PHC2: variants seen among roughly 807,000 people sequenced by gnomAD.
The protein encoded by PHC2 is polyhomeotic homolog 2.
In PHC2, 29 loss-of-function variants were observed where a neutral mutation model predicts 87.4. That is an observed-to-expected ratio of 0.33 (90% CI 0.25 to 0.45). PHC2 has a LOEUF of 0.45. Ranked by LOEUF, PHC2 falls within the 20% of genes least tolerant of loss-of-function variation. The pLI, the probability that PHC2 is intolerant of heterozygous loss-of-function variation, is 1.00. For missense variants in PHC2, 857 were observed against 1,136.7 expected (o/e 0.75, Z 3.54); for synonymous variants, 438 against 461.7 (o/e 0.95, Z 0.66).
chr1:33,391,767 A>T (rs2763037), intron 1 of PHC2, among the ~76,000 whole-genome samples: 24 of 152,208 alleles, frequency 1.6e-4, no homozygotes, highest in African/African-American at 5.5e-4. Flanking sequence ...GGGAAAGACA[A>T]GCCAGAGAGA....
chr1:33,408,012 T>C (rs1200127919), intron 1 of PHC2, among the ~76,000 whole-genome samples: 1 of 152,202 alleles, frequency 6.6e-6, no homozygotes, highest in Non-Finnish European at 1.5e-5. Context: ...GAATGGTGAG[T>C]TTACCTCGTG....
At chr1:33,401,107 A>G (rs1183065783) in intron 1 of PHC2, among the ~76,000 whole-genome samples, 3 of 152,110 alleles carry the variant, frequency 2.0e-5, no homozygotes, top group African/African-American at 4.8e-5. Flanking sequence ...TAGGCGAATC[A>G]AAAGGTCAGG....
intron 9 of PHC2, chr1:33,345,919 C>G: frequency 1.0e-6 from 1 of 985,136 alleles, no homozygotes; most frequent in Non-Finnish European, 1.2e-6. Flanking sequence ...TCAAGTGAAG[C>G]CTACCTCTGT....
At chr1:33,429,712 C>T (rs751589021) in intron 1 of PHC2, among the ~76,000 whole-genome samples, 27 of 152,238 alleles carry the variant, frequency 1.8e-4, no homozygotes, top group Admixed American at 2.0e-4. Flanking sequence ...CAAGACATAG[C>T]AGAGTGCCTG....
At chr1:33,360,410 G>C (rs867282132) in intron 7 of PHC2, among the ~76,000 whole-genome samples, 1 of 152,386 alleles carries the variant, frequency 6.6e-6, no homozygotes, top group Middle Eastern at 3.4e-3. Context: ...GTGGATAAAC[G>C]CATGGGTTTT....
intron 1 of PHC2, among the ~76,000 whole-genome samples, chr1:33,404,587 GT>G (rs1271789866): frequency 6.6e-6 from 1 of 151,766 alleles, no homozygotes; most frequent in Non-Finnish European, 1.5e-5. Flanking sequence ...TTTATTTCTT[GT>G]TTCTACTTTT....
chr1:33,406,009 G>A (rs890505465), intron 1 of PHC2, among the ~76,000 whole-genome samples: 1 of 152,082 alleles, frequency 6.6e-6, no homozygotes, highest in Non-Finnish European at 1.5e-5. Context: ...AGTGAAATTT[G>A]ACAATTGTGT....
In PHC2 at chr1:33,324,760, C is replaced by G. The variant is rs1320296031; in HGVS notation, c.*105G>C. ...ACCAGCTATGCCCCTAGGGAGAGCC[C>G]CTGCCCTCCAACCGGCCCCATTTCT... On this transcript the variant is annotated 3_prime_UTR_variant, in exon 15 of 15. Transcript: ENST00000683057. 3 of 1,284,320 alleles carry G rather than the reference C, an allele frequency of 2.3e-6. No individual in the cohort carries two copies. Among genetic ancestry groups the G allele is most frequent in the African/African-American group, 3.0e-5 (2 of 67,740 alleles). The allele number at this position is 1,284,320 out of a possible 1,614,324, so 79.6% of individuals were successfully genotyped here.
intron 7 of PHC2, chr1:33,363,041 A>G (rs936190565): frequency 6.6e-6 from 1 of 151,404 alleles, no homozygotes. Context: ...ATGGCTGTTC[A>G]TTAACTGGTA....
intron 14 of PHC2, chr1:33,325,253 C>A (rs2148175562): frequency 2.0e-6 from 1 of 501,326 alleles, no homozygotes; most frequent in East Asian, 3.3e-5. Context: ...TGTTCAGACC[C>A]CTGCTCCATG....
At chr1:33,372,625 C>T (rs1443023338) in intron 2 of PHC2, among the ~76,000 whole-genome samples, 178 bp from the exon 3 acceptor site, 2 of 151,276 alleles carry the variant, frequency 1.3e-5, no homozygotes, top group Admixed American at 6.6e-5. Flanking sequence ...CAGCTGTTCG[C>T]AGAGCTTCTT....
intron 1 of PHC2, among the ~76,000 whole-genome samples, chr1:33,417,725 G>C (rs1650270483): frequency 6.6e-6 from 1 of 152,072 alleles, no homozygotes; most frequent in Non-Finnish European, 1.5e-5. Context: ...GACACAAGTA[G>C]ATGTAAAAAT....
intron 9 of PHC2, among the ~76,000 whole-genome samples, chr1:33,339,908 T>C (rs1646711505): frequency 6.6e-6 from 1 of 152,242 alleles, no homozygotes; most frequent in African/African-American, 2.4e-5. Context: ...GAGTATCACG[T>C]AGGTGCTCAA....
chr1:33,325,817 A>G (rs761026587), intron 14 of PHC2: 35 of 446,814 alleles, frequency 7.8e-5, no homozygotes, highest in South Asian at 5.4e-4. Flanking sequence ...TGCTGACATC[A>G]AACAGCTCTA....
rs143703153 is a variant in PHC2, at chr1:33,355,204, C to T, written c.1026G>A (p.Lys342=). ...PHQLLPQPSS[K]HLQPQFVIQQ... ...GGATCACAAATTGGGGCTGCAGGTG[C>T]TTTGAGGATGGCTGTGGGAGGAGCT... Residue 342 remains lysine, a synonymous_variant, in exon 8 of 15, where the codon AAG becomes AAA. Transcript: ENST00000683057. 3.1e-6 allele frequency: 5 copies of T among 1,602,600 alleles called. No individual in the cohort carries two copies. Among genetic ancestry groups the T allele is most frequent in the Non-Finnish European group, 4.3e-6 (5 of 1,173,990 alleles).
At chr1:33,356,269 A>ATT (rs1185464532) in intron 7 of PHC2, among the ~76,000 whole-genome samples, 3 of 99,148 alleles carry the variant, frequency 3.0e-5, no homozygotes, top group Admixed American at 9.3e-5. Context: ...ATATATATAT[A>ATT]TATATATGTA....
rs145194856 is a variant in PHC2 at position 33,377,010 on chromosome 1, T to G, written c.-54-1417A>C. 2.5e-4 allele frequency among the ~76,000 whole-genome samples: 38 copies of G among 152,334 alleles called. No individual in the cohort carries two copies. In the East Asian group the frequency reaches 4.4e-3, roughly 18 times the overall value. ...TTGAGGTATCTATCTTTATTAGGTATGTACTTACTGAGTGCCCTCTGGATC... is the reference window on the plus strand; with the variant it reads ...TTGAGGTATCTATCTTTATTAGGTAGGTACTTACTGAGTGCCCTCTGGATC... On this transcript the variant is annotated intron_variant, in intron 1 of 14. Coordinates refer to ENST00000683057, the MANE Select transcript of PHC2 (RefSeq NM_001385109.1).
intron 9 of PHC2, among the ~76,000 whole-genome samples, chr1:33,352,620 G>A (rs1646994366): frequency 6.6e-6 from 1 of 152,180 alleles, no homozygotes; most frequent in Admixed American, 6.5e-5. Flanking sequence ...AATTATACAA[G>A]TTTGAGACTA....
Position 33,332,126 on chromosome 1 carries a change from G to A in PHC2, c.1891+149C>T, listed in dbSNP as rs1342630057. On this transcript the variant is annotated intron_variant, in intron 11 of 14. Coordinates refer to ENST00000683057, the MANE Select transcript of PHC2 (RefSeq NM_001385109.1). This position sits in a 1 kb window ranked among gnomAD's most constrained non-coding sequence, Gnocchi z 4.2. Reference sequence around the variant, plus strand: ...CGTGATTTCCCCTATCCCTCTTTTTGAGGGAAGGAGGCTGAGGAGGTGCTG... The same window carrying A: ...CGTGATTTCCCCTATCCCTCTTTTTAAGGGAAGGAGGCTGAGGAGGTGCTG... 25 of 832,056 alleles carry A rather than the reference G, an allele frequency of 3.0e-5. No individual in the cohort carries two copies. Among genetic ancestry groups the A allele is most frequent in the Middle Eastern group, 3.4e-4 (1 of 2,956 alleles). 51.5% of individuals were successfully genotyped at this position (832,056 alleles called of 1,614,324 possible). A position where few individuals can be genotyped will look rare whatever the true frequency, so the allele number is the denominator to read the frequency against.
Sources: allele counts gnomAD v4.1 joint callset (sites outside exome capture counted in the v4.1 genomes callset), GRCh38; gene constraint gnomAD v4.1.1; non-coding constraint Gnocchi (gnomAD v3.1); transcripts MANE v1.5; gene names NCBI Gene and HGNC (gene_info 2026-07-23, HGNC 2026-07-21).